Variants in SERAC1 observed in about 807,000 individuals in gnomAD.
The protein encoded by SERAC1 is serine active site containing 1.
SERAC1 carries 36 observed loss-of-function variants against 85.7 expected under a neutral mutation model. That is an observed-to-expected ratio of 0.42 (90% CI 0.32 to 0.55). The LOEUF (loss-of-function observed/expected upper bound fraction) is 0.55. Among genes scored for constraint, SERAC1 ranks in the 20% least tolerant of loss-of-function variants. SERAC1 has a pLI of 0.11. For missense variants in SERAC1, 629 were observed against 796.2 expected (o/e 0.79, Z 2.53); for synonymous variants, 242 against 265.3 (o/e 0.91, Z 0.85).
At chr6:158,113,771 C>T (rs1013443756) in intron 15 of SERAC1, among the ~76,000 whole-genome samples, 179 bp from the exon 16 acceptor site, 6 of 152,158 alleles carry the variant, frequency 3.9e-5, no homozygotes, top group African/African-American at 1.2e-4. Context: ...AAAGCTAAAA[C>T]CAAGAATCGA....
chr6:158,128,315 T>G (rs1306585229), intron 9 of SERAC1, 45 bp from the exon 10 acceptor site: 1 of 1,597,908 alleles, frequency 6.3e-7, no homozygotes, highest in Admixed American at 1.7e-5. Context: ...TTGTACAAAT[T>G]CATGACGTGA....
rs1784137628 is a variant in SERAC1 at position 158,111,286 on chromosome 6, T to G, written c.*80A>C. 1 of 1,289,748 alleles carries G rather than the reference T, an allele frequency of 7.8e-7. No homozygotes were observed. Among genetic ancestry groups the G allele is most frequent in the Non-Finnish European group, 1.1e-6 (1 of 941,824 alleles). The allele number at this position is 1,289,748 out of a possible 1,614,324, so 79.9% of individuals were successfully genotyped here. On this transcript the variant is annotated 3_prime_UTR_variant, in exon 17 of 17. Transcript: ENST00000647468. ...GCTATGATCACTATGTTTGCATGAT[T>G]GCATAGAGCTTAAAAGAAGAAACAG...
At chr6:158,141,864 G>T (rs1784924187) in intron 8 of SERAC1, among the ~76,000 whole-genome samples, 1 of 152,052 alleles carries the variant, frequency 6.6e-6, no homozygotes, top group African/African-American at 2.4e-5. Flanking sequence ...GCCCAAAAGG[G>T]GAAATTATGT....
intron 1 of SERAC1, chr6:158,158,672 G>A (rs1785414984): frequency 4.6e-6 from 1 of 218,592 alleles, no homozygotes; most frequent in South Asian, 8.0e-5. Flanking sequence ...GAATTAAACG[G>A]TAACAAGAAT....
intron 4 of SERAC1, among the ~76,000 whole-genome samples, chr6:158,149,267 C>T (rs1025839744): frequency 6.6e-6 from 1 of 152,226 alleles, no homozygotes; most frequent in Non-Finnish European, 1.5e-5. Context: ...GCTGGGATTA[C>T]AGGCGTGAGC....
chr6:158,117,682 C>A lies in SERAC1; in HGVS notation c.1403+45G>T, dbSNP rs368526394. The A allele has an allele frequency of 2.8e-4, 444 of 1,611,480 alleles. No homozygotes were observed. Among genetic ancestry groups the A allele is most frequent in the Non-Finnish European group, 3.6e-4 (426 of 1,177,986 alleles). The stretch of plus-strand genomic sequence containing the variant: ...CATCCAAGAGGACCTAAACTTGCGG[C>A]CTGAATTCTTCCCTGTCCTCCTGGT... On this transcript the variant is annotated intron_variant, in intron 13 of 16. Coordinates refer to ENST00000647468, the MANE Select transcript of SERAC1 (RefSeq NM_032861.4). This position sits in a 1 kb window ranked among gnomAD's most constrained non-coding sequence, Gnocchi z 4.3.
At position 158,120,283 on chromosome 6, in the gene SERAC1, A is replaced by G; in HGVS notation, c.1166+142T>C. 2.3e-6 allele frequency: 2 copies of G among 879,094 alleles called. No homozygotes were observed. The highest frequency in any genetic ancestry group is 3.3e-6 in the Non-Finnish European group (2 of 610,438). 54.5% of individuals were successfully genotyped at this position (879,094 alleles called of 1,614,324 possible). On this transcript the variant is annotated intron_variant, in intron 11 of 16. Coordinates refer to ENST00000647468, the MANE Select transcript of SERAC1 (RefSeq NM_032861.4). The surrounding 1 kb of genome is among the most constrained non-coding windows in gnomAD (Gnocchi z 4.4). ...CCTCCAATTCTTTTGTGGTTACTAT[A>G]GACAAATTATTTTAGTAAATAAGAT...
intron 12 of SERAC1, among the ~76,000 whole-genome samples, chr6:158,118,228 G>C (rs1784337183): frequency 1.3e-5 from 2 of 152,138 alleles, no homozygotes; most frequent in African/African-American, 4.8e-5. Flanking sequence ...TTCTATCTCT[G>C]TATACCCTAG....
chr6:158,127,149 T>C (rs1270389255), intron 10 of SERAC1, among the ~76,000 whole-genome samples: 1 of 152,134 alleles, frequency 6.6e-6, no homozygotes, highest in Non-Finnish European at 1.5e-5. Flanking sequence ...GCGCAGATTA[T>C]CTACAATCTC....
intron 1 of SERAC1, among the ~76,000 whole-genome samples, chr6:158,165,492 C>T (rs893942622): frequency 6.6e-6 from 1 of 152,088 alleles, no homozygotes; most frequent in Non-Finnish European, 1.5e-5. Flanking sequence ...TCTCAGAGTA[C>T]CTCTAGCTAC....
At chr6:158,153,211 A>G (rs1007796803) in intron 3 of SERAC1, among the ~76,000 whole-genome samples, 1 of 152,246 alleles carries the variant, frequency 6.6e-6, no homozygotes, top group African/African-American at 2.4e-5. Flanking sequence ...TATCAATGGA[A>G]TCACACTACA....
In SERAC1 at chr6:158,111,636, C is replaced by A. The variant is rs1471799601; in HGVS notation, c.1829-134G>T. The A allele has an allele frequency of 2.0e-5, 12 of 614,406 alleles. No homozygotes were observed. In the East Asian group the frequency reaches 2.1e-4, roughly 11 times the overall value. 38.1% of individuals were successfully genotyped at this position (614,406 alleles called of 1,614,324 possible). On this transcript the variant is annotated intron_variant, in intron 16 of 16. Transcript: ENST00000647468. ...AAGGGACTCTTAAAAGATAAAGGAA[C>A]CTGAAGTTTGATTGCAGCTAAACTA...
chr6:158,156,978 A>AGATATTAATGTATTTATATAAATAT (rs1785366856), intron 2 of SERAC1, among the ~76,000 whole-genome samples: 5 of 132,250 alleles, frequency 3.8e-5, no homozygotes, highest in Admixed American at 8.7e-5. Context: ...ATATTTATAT[A>AGATATTAATGTATTTATATAAATAT]TAATAAATAC....
At chr6:158,134,696 A>G (rs553968920) in intron 8 of SERAC1, among the ~76,000 whole-genome samples, 19 of 152,272 alleles carry the variant, frequency 1.2e-4, no homozygotes, top group African/African-American at 4.3e-4. Flanking sequence ...AATTAGGGGG[A>G]AAAACTCAGC....
chr6:158,114,785 T>C lies in SERAC1; in HGVS notation c.1684+4A>G. The C allele has an allele frequency of 6.2e-7, 1 of 1,609,548 alleles. No individual in the cohort carries two copies. Among genetic ancestry groups the C allele is most frequent in the Non-Finnish European group, 8.5e-7 (1 of 1,178,308 alleles). On this transcript the variant is annotated splice_donor_region_variant and intron_variant, in intron 15 of 16. Transcript: ENST00000647468. ...CCAATTTCCTTTATGACAAAAAGTA[T>C]TACCCTTGCTGAGTTCTTTGACTTC... is the stretch of plus-strand genomic sequence containing the variant.
chr6:158,132,670 G>A (rs1784705466), intron 8 of SERAC1, among the ~76,000 whole-genome samples: 1 of 152,220 alleles, frequency 6.6e-6, no homozygotes, highest in African/African-American at 2.4e-5. Context: ...GCAGTGTGAT[G>A]TAGAGTGCAG....
At chr6:158,146,034 A>G (rs9295316) in intron 6 of SERAC1, 1 of 152,174 alleles carries the variant, frequency 6.6e-6, no homozygotes, top group Non-Finnish European at 1.5e-5. Flanking sequence ...TTCGACTATT[A>G]GTATTAGAGC....
At chr6:158,155,398 G>A (rs749273601) in intron 2 of SERAC1, 47 bp from the exon 3 acceptor site, 3 of 1,201,166 alleles carry the variant, frequency 2.5e-6, no homozygotes, top group African/African-American at 3.0e-5. Flanking sequence ...TTTTAAAAGT[G>A]TGAAAGGAAA....
At chr6:158,132,338 A>G (rs995680964) in intron 8 of SERAC1, among the ~76,000 whole-genome samples, 1 of 152,102 alleles carries the variant, frequency 6.6e-6, no homozygotes, top group Non-Finnish European at 1.5e-5. Flanking sequence ...CTCGTATATA[A>G]TATTATTTTT....
Sources: allele counts gnomAD v4.1 joint callset (sites outside exome capture counted in the v4.1 genomes callset), GRCh38; gene constraint gnomAD v4.1.1; non-coding constraint Gnocchi (gnomAD v3.1); transcripts MANE v1.5; gene names NCBI Gene and HGNC (gene_info 2026-07-23, HGNC 2026-07-21).